Variants in KHDC1 observed in about 807,000 individuals in gnomAD.
KHDC1 encodes KH domain containing 1.
In KHDC1, 21 loss-of-function variants were observed where a neutral mutation model predicts 24.7. The observed-to-expected ratio is 0.85, with a 90% CI of 0.60 to 1.23. KHDC1 has a LOEUF of 1.23. KHDC1 is among the 50% of genes most tolerant of loss of function. The pLI is 0.00. For missense variants in KHDC1, 274 were observed against 298.5 expected (o/e 0.92, Z 0.61); for synonymous variants, 98 against 111.7 (o/e 0.88, Z 0.77).
intron 2 of KHDC1, among the ~76,000 whole-genome samples, chr6:73,252,783 C>T (rs1373932026): frequency 6.6e-6 from 1 of 151,466 alleles, no homozygotes; most frequent in African/African-American, 2.4e-5. Context: ...TGCCACTGAA[C>T]TGCTGCCTGG....
rs776369720 is a variant in KHDC1 at position 73,242,387 on chromosome 6, G to A, written c.331+19C>T. 2.3e-5 allele frequency: 37 copies of A among 1,613,930 alleles called. No individual in the cohort carries two copies. The highest frequency in any genetic ancestry group is 5.0e-5 in the Admixed American group (3 of 59,994). The stretch of plus-strand genomic sequence containing the variant: ...AGAAGACAAGGATGAAGAAGGGGAC[G>A]TGGGCAAAGGCCACTCACCGAAGAT... On this transcript the variant is annotated intron_variant, in intron 3 of 4. Coordinates refer to ENST00000370384, the Ensembl canonical transcript of KHDC1.
chr6:73,300,461 C>G (rs1767853676), intron 1 of KHDC1: 1 of 152,090 alleles, frequency 6.6e-6, no homozygotes, highest in Admixed American at 6.6e-5. Context: ...ATATCCTCAC[C>G]CAATTATGTG....
At chr6:73,272,362 A>C (rs1767195300) in intron 2 of KHDC1, among the ~76,000 whole-genome samples, 1 of 140,510 alleles carries the variant, frequency 7.1e-6, no homozygotes, top group South Asian at 2.2e-4. Flanking sequence ...CGAACTGCTG[A>C]CCTTGTGATC....
chr6:73,309,781 C>T, exon 1 of KHDC1: 2 of 1,507,878 alleles, frequency 1.3e-6, no homozygotes, highest in Non-Finnish European at 1.8e-6. Context: ...CTCCCGCCAC[C>T]GCAGAGCCCG....
chr6:73,287,762 C>G (rs1022236833), intron 2 of KHDC1, among the ~76,000 whole-genome samples: 3 of 152,194 alleles, frequency 2.0e-5, no homozygotes, highest in African/African-American at 7.2e-5. Flanking sequence ...TCATCTGCCA[C>G]TCCTCTTAGA....
At chr6:73,270,686 AT>A (rs935431321) in intron 2 of KHDC1, among the ~76,000 whole-genome samples, 56 of 146,676 alleles carry the variant, frequency 3.8e-4, no homozygotes, top group Non-Finnish European at 6.7e-4. Flanking sequence ...TTTTGTTTCT[AT>A]TTTTTCTTTT....
chr6:73,293,992 T>G (rs1767711480), intron 1 of KHDC1, among the ~76,000 whole-genome samples: 2 of 126,432 alleles, frequency 1.6e-5, no homozygotes, highest in East Asian at 2.3e-4. Flanking sequence ...GGCAACAGAG[T>G]GAGACTCCAC....
chr6:73,310,203 C>T (rs1167405584), exon 1 of KHDC1: 1 of 158,222 alleles, frequency 6.3e-6, no homozygotes, highest in East Asian at 1.9e-4. Context: ...GCCCTGGACC[C>T]GCCTCTTCCG....
intron 1 of KHDC1, among the ~76,000 whole-genome samples, chr6:73,306,120 T>C (rs1371891529): frequency 6.6e-6 from 1 of 152,160 alleles, no homozygotes; most frequent in Non-Finnish European, 1.5e-5. Context: ...GAGTATTCTT[T>C]ATCTTCAACC....
chr6:73,284,377 G>C (rs954928308), intron 2 of KHDC1, among the ~76,000 whole-genome samples: 1 of 152,096 alleles, frequency 6.6e-6, no homozygotes, highest in Admixed American at 6.6e-5. Context: ...CCCTACCGGG[G>C]CCCATGACTC....
chr6:73,284,517 C>T (rs1767481739), intron 2 of KHDC1: 1 of 152,088 alleles, frequency 6.6e-6, no homozygotes, highest in Admixed American at 6.6e-5. Context: ...TATAAAAACT[C>T]TGGCCTCTGA....
chr6:73,304,710 G>A (rs747750473), intron 1 of KHDC1, among the ~76,000 whole-genome samples: 2 of 152,170 alleles, frequency 1.3e-5, no homozygotes, highest in Non-Finnish European at 2.9e-5. Context: ...GCAACATAAT[G>A]AGTGGATTGC....
intron 2 of KHDC1, among the ~76,000 whole-genome samples, chr6:73,243,718 T>C (rs529479735): frequency 6.6e-6 from 1 of 152,360 alleles, no homozygotes; most frequent in South Asian, 2.1e-4. Context: ...ACAGGTAGTC[T>C]TTTAACCTTG....
chr6:73,291,893 G>A (rs1767656997), intron 2 of KHDC1: 7 of 1,241,984 alleles, frequency 5.6e-6, no homozygotes, highest in Non-Finnish European at 8.1e-6. Flanking sequence ...TAACAAGCCT[G>A]CACATGCACC....
chr6:73,254,231 G>A (rs1364896885), intron 2 of KHDC1, among the ~76,000 whole-genome samples: 4 of 151,906 alleles, frequency 2.6e-5, no homozygotes, highest in South Asian at 2.1e-4. Context: ...AGGCCGAGGC[G>A]GGTGGGATCA....
chr6:73,290,841 C>G (rs1582582513), intron 2 of KHDC1: 2 of 339,400 alleles, frequency 5.9e-6, no homozygotes, highest in Non-Finnish European at 5.8e-6. Flanking sequence ...ACCTACCTAC[C>G]ACTGCTGTAT....
chr6:73,306,126 C>T (rs1767957457), intron 1 of KHDC1, among the ~76,000 whole-genome samples: 1 of 152,102 alleles, frequency 6.6e-6, no homozygotes, highest in Non-Finnish European at 1.5e-5. Flanking sequence ...TCTTTATCTT[C>T]AACCAGAATG....
At chr6:73,310,085 G>C in exon 1 of KHDC1, 1 of 221,260 alleles carries the variant, frequency 4.5e-6, no homozygotes. Context: ...CAAACGACAA[G>C]AACCGGAGGA....
intron 1 of KHDC1, among the ~76,000 whole-genome samples, chr6:73,308,830 T>C (rs1768023554): frequency 6.6e-6 from 1 of 152,056 alleles, no homozygotes; most frequent in African/African-American, 2.4e-5. Flanking sequence ...GGTTTGTTTT[T>C]TGTTTTTTTG....
Sources: gnomAD v4.1 joint callset for allele counts (sites outside exome capture counted in the v4.1 genomes callset) on GRCh38, gnomAD v4.1.1 for gene constraint, MANE v1.5 for transcripts, NCBI Gene and HGNC (gene_info 2026-07-23, HGNC 2026-07-21) for gene names.